The following HSP90AA1 variants were observed in gnomAD, a reference collection of about 807,000 sequenced individuals.
The protein encoded by HSP90AA1 is heat shock protein 90 alpha family class A member 1.
In HSP90AA1, 18 loss-of-function variants were observed where a neutral mutation model predicts 73.3. The observed-to-expected ratio is 0.25, with a 90% confidence interval of 0.17 to 0.36. The LOEUF (loss-of-function observed/expected upper bound fraction) is 0.36. Among genes scored for constraint, HSP90AA1 ranks in the 10% least tolerant of loss-of-function variants. The pLI, the probability that HSP90AA1 is intolerant of heterozygous loss-of-function variation, is 1.00. For missense variants in HSP90AA1, 704 were observed against 874.2 expected (o/e 0.81, Z 2.45); for synonymous variants, 477 against 296.9 (o/e 1.61, Z -6.24).
chr14:102,110,665 C>T lies in HSP90AA1; in HGVS notation c.156-8580G>A, dbSNP rs186472451. ...CACGATCTTGGCTCACTGCAAGCTC[C>T]GCCTCCCGGGTTCACGCCATTCTCC... is the stretch of plus-strand genomic sequence containing the variant. On this transcript the variant is annotated intron_variant, in intron 1 of 11. Transcript: ENST00000334701. Among the ~76,000 whole-genome samples, 14 of 148,462 alleles carry T rather than the reference C, an allele frequency of 9.4e-5. No individual in the cohort carries two copies. The South Asian group carries it at 1.7e-3, about 18-fold the overall frequency.
upstream of HSP90AA1, among the ~76,000 whole-genome samples, chr14:102,089,966 A>G (rs1205629659): frequency 1.3e-5 from 2 of 151,644 alleles, no homozygotes; most frequent in East Asian, 3.8e-4. Context: ...GAGCTTTGAG[A>G]ACACAGACCT....
rs2049186552 is a variant in HSP90AA1, at chr14:102,084,887, C to T, written c.775G>A (p.Glu259Lys). The change falls in exon 5 of 11, where the codon GAA (glutamate) becomes AAA (lysine). Residue 259 changes from glutamate to lysine, a missense_variant. Physicochemically the swap from Glu to Lys is moderately conservative, Grantham distance 56. Transcript: ENST00000216281. ...TCTTCCTCATCAGAACCAACATCTT[C>T]AATTTCAGGTTTGTCTTCCGACTCT... ...EKESEDKPEI[E>K]DVGSDEEEEK... 1.1e-5 allele frequency: 17 copies of T among 1,557,570 alleles called. No homozygotes were observed. The highest frequency in any genetic ancestry group is 1.4e-5 in the Non-Finnish European group (16 of 1,129,018).
At chr14:102,121,421 T>A (rs1452003289) in intron 1 of HSP90AA1, among the ~76,000 whole-genome samples, 2 of 152,202 alleles carry the variant, frequency 1.3e-5, no homozygotes, top group Admixed American at 1.3e-4. Context: ...GCGGGTAAAT[T>A]CCTAGAACTT....
In HSP90AA1 at chr14:102,084,966, A is replaced by C. The variant is rs757536921; in HGVS notation, c.696T>G (p.Asp232Glu). ...TGTCTTCCTTTTCTTCAGCCTCATC[A>C]TCGCTTACTTCTTTATCACGTTCCT... ...VEKERDKEVSDDEAEEKEDKE... is the reference protein window; with the variant it reads ...VEKERDKEVSEDEAEEKEDKE... Residue 232 changes from aspartate to glutamate, a missense_variant, in exon 5 of 11, where the codon GAT becomes GAG. Asp to Glu is a conservative substitution (Grantham distance 45). Transcript: ENST00000216281. The C allele has an allele frequency of 6.2e-7, 1 of 1,610,690 alleles. No homozygotes were observed. The highest frequency in any genetic ancestry group is 1.3e-5 in the African/African-American group (1 of 74,678).
At chr14:102,117,745 T>C (rs917638211) in intron 1 of HSP90AA1, among the ~76,000 whole-genome samples, 1 of 151,974 alleles carries the variant, frequency 6.6e-6, no homozygotes, top group African/African-American at 2.4e-5. Flanking sequence ...ACAAACAGGG[T>C]TAAAACATGC....
Position 102,080,898 on chromosome 14 carries a change from CCTG to C in HSP90AA1, c.*811_*813del. On this transcript the variant is annotated 3_prime_UTR_variant, in exon 11 of 11. Coordinates refer to ENST00000216281, the MANE Select transcript of HSP90AA1 (RefSeq NM_005348.4). Reference sequence around the variant, plus strand: ...GTGCCTACGTGTGCTCCACCCCACACCTGCTGAGTACATGCTGGGAAGACCATG... The same window carrying C: ...GTGCCTACGTGTGCTCCACCCCACACCTGAGTACATGCTGGGAAGACCATG... 4.4e-6 allele frequency: 1 copy of C among 228,366 alleles called. No individual in the cohort carries two copies. The highest frequency in any genetic ancestry group is 6.3e-5 in the East Asian group (1 of 16,000). 14.1% of individuals were successfully genotyped at this position (228,366 alleles called of 1,614,324 possible).
intron 1 of HSP90AA1, among the ~76,000 whole-genome samples, chr14:102,126,403 G>A (rs2049839029): frequency 6.6e-6 from 1 of 152,194 alleles, no homozygotes; most frequent in Non-Finnish European, 1.5e-5. Flanking sequence ...AGTATGTGTT[G>A]ATTATTTACT....
intron 2 of HSP90AA1, among the ~76,000 whole-genome samples, chr14:102,097,423 C>T (rs865795307): frequency 6.6e-6 from 1 of 151,902 alleles, no homozygotes; most frequent in Non-Finnish European, 1.5e-5. Context: ...TCCCCAAAAC[C>T]TCCCAGGATC....
intron 1 of HSP90AA1, among the ~76,000 whole-genome samples, chr14:102,123,805 G>A: frequency 6.6e-6 from 1 of 152,006 alleles, no homozygotes; most frequent in East Asian, 1.9e-4. Flanking sequence ...TAGCAACCGT[G>A]TTTTTTTTAA....
chr14:102,084,357 C>CTTTA (rs1236854662), intron 6 of HSP90AA1, 42 bp downstream of exon 6: 1 of 1,578,858 alleles, frequency 6.3e-7, no homozygotes, highest in Admixed American at 1.7e-5. Context: ...GAAAGTACTT[C>CTTTA]TTTAATCAGT....
intron 9 of HSP90AA1, 68 bp downstream of exon 9, chr14:102,082,966 G>A (rs2049133562): frequency 2.7e-6 from 4 of 1,455,094 alleles, no homozygotes; most frequent in Admixed American, 1.7e-5. Flanking sequence ...GCGAAAATGG[G>A]CTATGTATGA....
At chr14:102,083,749 A>AC (rs750344467) in intron 7 of HSP90AA1, 44 bp downstream of exon 7, 2 of 1,576,660 alleles carry the variant, frequency 1.3e-6, no homozygotes, top group Non-Finnish European at 1.7e-6. Context: ...AAAAAAAAAA[A>AC]ACTAAAGAGG....
intron 8 of HSP90AA1, 41 bp downstream of exon 8, chr14:102,083,505 G>T (rs369796306): frequency 1.3e-4 from 211 of 1,597,280 alleles, no homozygotes; most frequent in Non-Finnish European, 1.7e-4. Flanking sequence ...CTACAAGATT[G>T]TAAGAACGAC....
chr14:102,098,992 C>T (rs192677129), intron 2 of HSP90AA1, among the ~76,000 whole-genome samples: 1 of 152,304 alleles, frequency 6.6e-6, no homozygotes, highest in African/African-American at 2.4e-5. Flanking sequence ...GCTGAAACCT[C>T]CACACATTGC....
intron 3 of HSP90AA1, 73 bp downstream of exon 3, chr14:102,085,670 TAAGCTTCACCGCATC>T: frequency 6.3e-7 from 1 of 1,583,142 alleles, no homozygotes. Flanking sequence ...ACAAATTCTG[TAAGCTTCACCGCATC>T]CCCAGGGGTC....
upstream of HSP90AA1, among the ~76,000 whole-genome samples, chr14:102,087,538 G>T (rs1435721618): frequency 6.6e-6 from 1 of 152,064 alleles, no homozygotes; most frequent in Non-Finnish European, 1.5e-5. Context: ...GGTCTCACGC[G>T]CCCGGGAGAC....
intron 1 of HSP90AA1, among the ~76,000 whole-genome samples, chr14:102,102,838 C>T (rs1278960866): frequency 6.6e-6 from 1 of 151,942 alleles, no homozygotes; most frequent in Non-Finnish European, 1.5e-5. Context: ...GAGTTTGAGC[C>T]TAGCCTGGGC....
chr14:102,138,297 G>A (rs1454767743), intron 1 of HSP90AA1, among the ~76,000 whole-genome samples: 1 of 152,010 alleles, frequency 6.6e-6, no homozygotes, highest in Non-Finnish European at 1.5e-5. Context: ...GATTCAAGAT[G>A]CCACTATCCT....
chr14:102,118,072 T>C (rs2049729555), intron 1 of HSP90AA1, among the ~76,000 whole-genome samples: 1 of 152,154 alleles, frequency 6.6e-6, no homozygotes, highest in Non-Finnish European at 1.5e-5. Flanking sequence ...CGCTCGTTCA[T>C]ACACCCCTCA....
Sources: allele counts gnomAD v4.1 joint callset (sites outside exome capture counted in the v4.1 genomes callset), GRCh38; gene constraint gnomAD v4.1.1; transcripts MANE v1.5; gene names NCBI Gene and HGNC (gene_info 2026-07-23, HGNC 2026-07-21).